Variants in SMAD4 observed in about 807,000 individuals in gnomAD.
SMAD4 encodes MAD homolog 4.
A neutral mutation model predicts 63.2 loss-of-function variants in SMAD4; 7 were observed. The observed-to-expected ratio is 0.11, with a 90% CI of 0.06 to 0.21. The LOEUF (loss-of-function observed/expected upper bound fraction) is 0.21, where lower values mean the gene tolerates loss of function less well. SMAD4 is among the 10% of genes least tolerant of loss of function. The pLI is 1.00. For missense variants in SMAD4, 312 were observed against 693.8 expected (o/e 0.45, Z 6.18); for synonymous variants, 215 against 235.4 (o/e 0.91, Z 0.79).
In SMAD4 at chr18:51,058,754, T is replaced by C. The variant is rs869312649; in HGVS notation, c.904+298T>C. Among the ~76,000 whole-genome samples the C allele has an allele frequency of 3.3e-5, 5 of 152,228 alleles. No homozygotes were observed. Among genetic ancestry groups the C allele is most frequent in the Non-Finnish European group, 7.3e-5 (5 of 68,048 alleles). The stretch of plus-strand genomic sequence containing the variant: ...TTTGTATATGTTCTTAGATCTCATC[T>C]GTGTCTTGTATATCCACGCATAATG... On this transcript the variant is annotated intron_variant, in intron 7 of 11. Coordinates refer to ENST00000342988, the MANE Select transcript of SMAD4 (RefSeq NM_005359.6).
chr18:51,072,336 C>G (rs779670735), intron 10 of SMAD4, among the ~76,000 whole-genome samples: 2 of 152,096 alleles, frequency 1.3e-5, no homozygotes, highest in African/African-American at 2.4e-5. Flanking sequence ...TTGCAAACTT[C>G]CTGTGTTAAT....
In SMAD4 at chr18:51,058,627, A is replaced by G. The variant is rs528725843; in HGVS notation, c.904+171A>G. 3.3e-5 allele frequency among the ~76,000 whole-genome samples: 5 copies of G among 151,284 alleles called. No homozygotes were observed. The South Asian group carries it at 8.4e-4, about 25-fold the overall frequency. On this transcript the variant is annotated intron_variant, in intron 7 of 11. Coordinates refer to ENST00000342988, the MANE Select transcript of SMAD4 (RefSeq NM_005359.6). ...CAGTATTATTTTTCATAGTTATCCT[A>G]CCTTTTTATTTTAGAGGAGTGATGT... is the stretch of plus-strand genomic sequence containing the variant.
rs1221103079 is a variant in SMAD4 at position 51,078,348 on chromosome 18, C to T, written c.1540C>T (p.Pro514Ser). The part of the protein sequence containing the change: ...SFVKGWGPDY[P>S]RQSIKETPCW... ...TGTGAAAGGCTGGGGACCGGATTAC[C>T]CAAGACAGAGCATCAAAGAAACACC... is the stretch of plus-strand genomic sequence containing the variant. Residue 514 changes from proline (P) to serine (S), a missense_variant, in exon 12 of 12, where the codon CCA becomes TCA. By Grantham distance (74) the Pro-to-Ser change is moderately conservative. This residue lies in a region of SMAD4 where 92 missense variants were observed against 305.9 expected (regional missense o/e 0.30). Coordinates refer to ENST00000342988, the MANE Select transcript of SMAD4 (RefSeq NM_005359.6). The T allele has an allele frequency of 6.2e-7, 1 of 1,614,018 alleles. No homozygotes were observed. The highest frequency in any genetic ancestry group is 1.3e-5 in the African/African-American group (1 of 74,910).
intron 9 of SMAD4, among the ~76,000 whole-genome samples, chr18:51,066,425 C>A (rs1261339471): frequency 1.3e-5 from 2 of 151,698 alleles, no homozygotes; most frequent in Non-Finnish European, 2.9e-5. Flanking sequence ...ATTTTAGCTA[C>A]TGTATGATCT....
rs1555688055 is a variant in SMAD4, at chr18:51,084,012, G to GCGCGCACA, written c.*5546_*5547insGCGCACAC. ...TTAACGCGCGTGCGCACGCGCGCGC[G>GCGCGCACA]CACACACACACACACACACACACAC... On this transcript the variant is annotated 3_prime_UTR_variant, in exon 12 of 12. Transcript: ENST00000342988. 9.8e-5 allele frequency: 16 copies of GCGCGCACA among 162,830 alleles called. No individual in the cohort carries two copies. Among genetic ancestry groups the GCGCGCACA allele is most frequent in the South Asian group, 7.0e-4 (3 of 4,272 alleles). The allele number at this position is 162,830 out of a possible 1,614,324, so 10.1% of individuals were successfully genotyped here. A position where few individuals can be genotyped will look rare whatever the true frequency, so the allele number is the denominator to read the frequency against.
Position 51,067,034 on chromosome 18 carries a change from A to G in SMAD4, c.1155A>G (p.Lys385=), listed in dbSNP as rs752938351. ...AIERARLHIG[K]GVQLECKGEG... Reference sequence around the variant, plus strand: ...TCTTCCTAAGGTTGCACATAGGCAAAGGTGTGCAGTTGGAATGTAAAGGTG... The same window carrying G: ...TCTTCCTAAGGTTGCACATAGGCAAGGGTGTGCAGTTGGAATGTAAAGGTG... The change falls in exon 10 of 12, where the codon AAA becomes AAG. Residue 385 remains lysine (K), a synonymous_variant. Transcript: ENST00000342988. The G allele has an allele frequency of 1.2e-6, 2 of 1,612,756 alleles. No individual in the cohort carries two copies. Among genetic ancestry groups the G allele is most frequent in the African/African-American group, 2.7e-5 (2 of 74,902 alleles).
At chr18:51,040,718 C>T (rs547817201) in intron 1 of SMAD4, among the ~76,000 whole-genome samples, 35 of 152,300 alleles carry the variant, frequency 2.3e-4, no homozygotes, top group African/African-American at 8.2e-4. Flanking sequence ...CTATGGTCAA[C>T]GTCAGGTGAC....
At chr18:51,076,528 T>C in intron 10 of SMAD4, 110 bp from the exon 11 acceptor site, 1 of 893,784 alleles carries the variant, frequency 1.1e-6, no homozygotes, top group Non-Finnish European at 1.8e-6. Flanking sequence ...ATTAATTCTT[T>C]TCATGTGAGA....
intron 9 of SMAD4, among the ~76,000 whole-genome samples, chr18:51,065,890 C>T (rs982802965): frequency 1.3e-5 from 2 of 151,868 alleles, no homozygotes; most frequent in Non-Finnish European, 1.5e-5. Flanking sequence ...ATTTTATTTT[C>T]TGTGATCATA....
intron 10 of SMAD4, among the ~76,000 whole-genome samples, chr18:51,075,318 G>GT (rs1245467739): frequency 6.6e-6 from 1 of 152,032 alleles, no homozygotes; most frequent in African/African-American, 2.4e-5. Flanking sequence ...TAAAACTATT[G>GT]TTTATCATCA....
At position 51,058,150 on chromosome 18, in the gene SMAD4, C is replaced by T. The variant is rs765597059; in HGVS notation, c.693C>T (p.Gly231=). ...GTCAGCCTGCCAGTATACTGGGGGG[C>T]AGCCATAGTGAAGGACTGTTGCAGA... ...STSQPASILG[G]SHSEGLLQIA... The change falls in exon 6 of 12, where the codon GGC becomes GGT. Residue 231 remains glycine, a synonymous_variant. Transcript: ENST00000342988. 4.5e-5 allele frequency: 72 copies of T among 1,613,934 alleles called. No homozygotes were observed. The highest frequency in any genetic ancestry group is 5.6e-5 in the Non-Finnish European group (66 of 1,179,952).
chr18:51,035,973 C>G (rs755169572), intron 1 of SMAD4, among the ~76,000 whole-genome samples: 2 of 152,062 alleles, frequency 1.3e-5, no homozygotes, highest in Non-Finnish European at 2.9e-5. Context: ...TTTTGGTATG[C>G]TTATCCTTAC....
intron 1 of SMAD4, among the ~76,000 whole-genome samples, chr18:51,038,810 TTAG>T (rs1238578964): frequency 6.6e-6 from 1 of 152,230 alleles, no homozygotes; most frequent in East Asian, 1.9e-4. Context: ...ACCAAAAATT[TTAG>T]TAGTTTTATT....
rs187523362 is a variant in SMAD4, at chr18:51,049,131, A to C, written c.425-164A>C. 2.0e-3 allele frequency among the ~76,000 whole-genome samples: 311 copies of C among 152,322 alleles called. 2 individuals are homozygous for C. Among genetic ancestry groups the C allele is most frequent in the African/African-American group, 7.2e-3 (300 of 41,574 alleles). On this transcript the variant is annotated intron_variant, in intron 3 of 11. Coordinates refer to ENST00000342988, the MANE Select transcript of SMAD4 (RefSeq NM_005359.6). The stretch of plus-strand genomic sequence containing the variant: ...GATGGAAAGCATTATAAATTTGAAT[A>C]CTTAGTTATGTATTGTTAGATAGCG...
intron 1 of SMAD4, among the ~76,000 whole-genome samples, chr18:51,040,370 G>A (rs1219952569): frequency 3.3e-5 from 5 of 151,044 alleles, no homozygotes; most frequent in African/African-American, 7.3e-5. Context: ...GTGGCAGTGA[G>A]CCAAGATGGC....
intron 8 of SMAD4, among the ~76,000 whole-genome samples, chr18:51,064,052 A>ATT (rs796815829): frequency 7.1e-6 from 1 of 140,772 alleles, no homozygotes; most frequent in African/African-American, 2.6e-5. Flanking sequence ...ATTTTAGGTT[A>ATT]TTTTTTTTTT....
intron 1 of SMAD4, among the ~76,000 whole-genome samples, chr18:51,031,706 C>G (rs890247590): frequency 6.6e-6 from 1 of 151,424 alleles, no homozygotes; most frequent in Admixed American, 6.6e-5. Context: ...AGTAGGTTCA[C>G]TCCTTTTTGC....
At chr18:51,055,284 TTAAC>T (rs1215534547) in intron 5 of SMAD4, among the ~76,000 whole-genome samples, 1 of 152,222 alleles carries the variant, frequency 6.6e-6, no homozygotes, top group African/African-American at 2.4e-5. Flanking sequence ...ATTTAAATAA[TTAAC>T]AAGTAGTTTT....
chr18:51,045,353 G>T (rs1282117435), intron 1 of SMAD4, among the ~76,000 whole-genome samples: 1 of 152,132 alleles, frequency 6.6e-6, no homozygotes, highest in Non-Finnish European at 1.5e-5. Context: ...ATGAAAGCAA[G>T]ATAAGTCTGG....
Sources: allele counts gnomAD v4.1 joint callset (sites outside exome capture counted in the v4.1 genomes callset), GRCh38; gene constraint gnomAD v4.1.1; regional missense constraint gnomAD v4.1.1; transcripts MANE v1.5; gene names NCBI Gene and HGNC (gene_info 2026-07-23, HGNC 2026-07-21).